UTP6: variants seen among roughly 807,000 people sequenced by gnomAD.
UTP6 encodes U3 small nucleolar RNA-associated protein 6 homolog.
UTP6 carries 60 observed loss-of-function variants against 96.5 expected under a neutral mutation model. That is an observed-to-expected ratio of 0.62 (90% CI 0.51 to 0.77). UTP6 has a LOEUF of 0.77. Ranked by LOEUF, UTP6 falls within the 30% of genes least tolerant of loss-of-function variation. The pLI, the probability that UTP6 is intolerant of heterozygous loss-of-function variation, is 0.00. For synonymous variants in UTP6, 215 were observed against 240.1 expected (o/e 0.90, Z 0.96); for missense variants, 637 against 706.5 (o/e 0.90, Z 1.12).
At chr17:31,886,557 C>T (rs142763000) in intron 8 of UTP6, 15,151 of 153,056 alleles carry the variant, frequency 0.099, 1,408 homozygotes, top group African/African-American at 0.25. Flanking sequence ...CCAGCTACTT[C>T]GGAGGCTGTG....
rs1598116347 is a variant in UTP6 at position 31,892,311 on chromosome 17, G to A, written c.373C>T (p.Arg125Ter). ...ATGGCAGAGAATACCTTGCTAAGTC[G>A]AGTTTTAGTAGCCTGTAAAAAAGGA... is the stretch of plus-strand genomic sequence containing the variant. ...AFCKKWATKT[R>*]LSKVFSAMLA... The change falls in exon 6 of 19, where the codon CGA (arginine) becomes TGA (stop). Residue 125 changes from arginine (R) to a stop codon, truncating the protein, a stop_gained. Coordinates refer to ENST00000261708, the MANE Select transcript of UTP6 (RefSeq NM_018428.3). LOFTEE classifies it high-confidence loss of function. 1.6e-5 allele frequency: 26 copies of A among 1,614,018 alleles called. No homozygotes were observed. The highest frequency in any genetic ancestry group is 2.1e-5 in the Non-Finnish European group (25 of 1,179,998).
intron 11 of UTP6, 126 bp downstream of exon 11, chr17:31,880,447 G>T: frequency 8.6e-7 from 1 of 1,161,420 alleles, no homozygotes; most frequent in Non-Finnish European, 1.2e-6. Context: ...AAAAAGGCCA[G>T]GCTCATCGTA....
intron 14 of UTP6, 57 bp from the exon 15 acceptor site, chr17:31,873,810 G>A: frequency 6.5e-6 from 10 of 1,531,512 alleles, no homozygotes; most frequent in Non-Finnish European, 8.8e-6. Flanking sequence ...AACATCGCAT[G>A]TACCCTATAA....
At chr17:31,880,376 G>A (rs922669186) in intron 11 of UTP6, 197 bp downstream of exon 11, 8 of 577,860 alleles carry the variant, frequency 1.4e-5, no homozygotes, top group East Asian at 1.0e-4. Context: ...AGCCGAAATC[G>A]AGCCACTGAA....
At chr17:31,890,791 A>G (rs748491421) in intron 6 of UTP6, among the ~76,000 whole-genome samples, 44 of 151,822 alleles carry the variant, frequency 2.9e-4, no homozygotes, top group Non-Finnish European at 4.7e-4. Context: ...TTCTGAGACC[A>G]GTCTGGCCAA....
intron 4 of UTP6, 58 bp downstream of exon 4, chr17:31,894,587 A>G: frequency 8.3e-7 from 1 of 1,200,414 alleles, no homozygotes; most frequent in Non-Finnish European, 1.2e-6. Context: ...TCCCTAATAC[A>G]ATATGTATAA....
chr17:31,900,556 C>G (rs1904918147), intron 1 of UTP6, among the ~76,000 whole-genome samples: 1 of 152,168 alleles, frequency 6.6e-6, no homozygotes, highest in Non-Finnish European at 1.5e-5. Flanking sequence ...TCCCAAAGTG[C>G]TGGGATTACA....
At chr17:31,878,955 T>A (rs1910660761) in intron 11 of UTP6, among the ~76,000 whole-genome samples, 174 bp from the exon 12 acceptor site, 1 of 152,200 alleles carries the variant, frequency 6.6e-6, no homozygotes, top group Non-Finnish European at 1.5e-5. Flanking sequence ...TTATGCTGAC[T>A]ACAGCCAATC....
rs1015164335 is a variant in UTP6, at chr17:31,864,781, C to T, written c.1636+585G>A. 2.0e-5 allele frequency among the ~76,000 whole-genome samples: 3 copies of T among 151,812 alleles called. 1 individual carries two copies. In the South Asian group the frequency reaches 6.2e-4, roughly 32 times the overall value. On this transcript the variant is annotated intron_variant, in intron 18 of 18. Transcript: ENST00000261708. ...GGGACCACAAGCATGCACCACCATA[C>T]CCAGTTACTTTTTTTTTTTTATTGT...
chr17:31,887,513 A>ACT (rs991752957), intron 7 of UTP6, 200 bp from the exon 8 acceptor site: 2 of 508,316 alleles, frequency 3.9e-6, no homozygotes, highest in Non-Finnish European at 6.9e-6. Context: ...ACACTCAGAT[A>ACT]ATTTTTTTAT....
rs760631846 is a variant in UTP6, at chr17:31,889,339, T to C, written c.489A>G (p.Gln163=). The part of the protein sequence containing the change: ...EDRLSSESAR[Q]LFLRALRFHP... Reference sequence around the variant, plus strand: ...GAAAGCGCAGTGCGCGAAGAAATAGTTGCCTTGCGCTTTCTGAAGACAATC... The same window carrying C: ...GAAAGCGCAGTGCGCGAAGAAATAGCTGCCTTGCGCTTTCTGAAGACAATC... Residue 163 remains glutamine (Q), a synonymous_variant, in exon 7 of 19, where the codon CAA becomes CAG. Transcript: ENST00000261708. 1.2e-6 allele frequency: 2 copies of C among 1,613,972 alleles called. No homozygotes were observed. Among genetic ancestry groups the C allele is most frequent in the South Asian group, 2.2e-5 (2 of 91,088 alleles).
chr17:31,887,961 CAAAAAAAAAAAA>C (rs34260710), intron 7 of UTP6: 1 of 63,340 alleles, frequency 1.6e-5, no homozygotes, highest in East Asian at 5.4e-4. Flanking sequence ...GACTCCATCT[CAAAAAAAAAAAA>C]AAAAAAAAAA....
chr17:31,878,927 G>T, intron 11 of UTP6, 146 bp from the exon 12 acceptor site: 2 of 713,004 alleles, frequency 2.8e-6, no homozygotes, highest in Non-Finnish European at 4.6e-6. Flanking sequence ...GTTTAAATCA[G>T]CCTGATTTTA....
chr17:31,879,418 C>A (rs1910695923), intron 11 of UTP6, among the ~76,000 whole-genome samples: 1 of 151,030 alleles, frequency 6.6e-6, no homozygotes. Flanking sequence ...GTCGGTAATC[C>A]TAGCAAGTTG....
chr17:31,868,230 C>A, intron 16 of UTP6, 118 bp from the exon 17 acceptor site: 5 of 763,800 alleles, frequency 6.5e-6, no homozygotes, highest in Non-Finnish European at 6.0e-6. Context: ...GACTTGACTT[C>A]AAATCAATGC....
chr17:31,873,731 G>A lies in UTP6; in HGVS notation c.1328C>T (p.Ser443Phe), dbSNP rs267604797. The change falls in exon 15 of 19, where the codon TCC (serine) becomes TTC (phenylalanine). Residue 443 changes from serine to phenylalanine, a missense_variant. Transcript: ENST00000261708. ...GGCACCTTCACTCCACTCTGCCCAG[G>A]AAATCCACAATGGCAGACAAACCTA... ...KPQVCLPLWI[S>F]WAEWSEGAKS... is the part of the protein sequence containing the mutation. The A allele has an allele frequency of 2.5e-6, 4 of 1,610,316 alleles. No individual in the cohort carries two copies. In the East Asian group the frequency reaches 8.9e-5, roughly 36 times the overall value.
chr17:31,893,525 A>C (rs1332440855), intron 4 of UTP6, among the ~76,000 whole-genome samples: 1 of 150,944 alleles, frequency 6.6e-6, no homozygotes, highest in Non-Finnish European at 1.5e-5. Flanking sequence ...TGAGGTCAGG[A>C]GTTTGAGACC....
chr17:31,869,352 G>C (rs1910025325), intron 16 of UTP6, among the ~76,000 whole-genome samples: 1 of 152,016 alleles, frequency 6.6e-6, no homozygotes, highest in Non-Finnish European at 1.5e-5. Flanking sequence ...ATTTTTAGTA[G>C]AGAAAGGGTC....
chr17:31,875,094 T>A, intron 14 of UTP6, 140 bp downstream of exon 14: 1 of 920,194 alleles, frequency 1.1e-6, no homozygotes, highest in East Asian at 2.4e-5. Flanking sequence ...CTTCTACTCT[T>A]AACCTATGAA....
Sources: allele counts gnomAD v4.1 joint callset (sites outside exome capture counted in the v4.1 genomes callset), GRCh38; gene constraint gnomAD v4.1.1; transcripts MANE v1.5; gene names NCBI Gene and HGNC (gene_info 2026-07-23, HGNC 2026-07-21).